Variants in ADCY9 observed in about 807,000 individuals in gnomAD.
ADCY9 encodes adenylate cyclase type 9.
ADCY9 carries 50 observed loss-of-function variants against 101.5 expected under a neutral mutation model. The observed-to-expected ratio is 0.49, with a 90% CI of 0.39 to 0.62. The LOEUF is 0.62. ADCY9 is among the 20% of genes least tolerant of loss of function. The pLI, the probability that ADCY9 is intolerant of heterozygous loss-of-function variation, is 0.00. For synonymous variants in ADCY9, 905 were observed against 769.3 expected (o/e 1.18, Z -2.92); for missense variants, 1,662 against 1,800.4 (o/e 0.92, Z 1.39).
rs754752263 is a variant in ADCY9, at chr16:3,966,099, C to T, written c.3738G>A (p.Thr1246=). 13 of 1,614,092 alleles carry T rather than the reference C, an allele frequency of 8.1e-6. No individual in the cohort carries two copies. The highest frequency in any genetic ancestry group is 6.7e-5 in the Admixed American group (4 of 60,010). Residue 1246 remains threonine (T), a synonymous_variant, in exon 11 of 11, where the codon ACG becomes ACA. Coordinates refer to ENST00000294016, the MANE Select transcript of ADCY9 (RefSeq NM_001116.4). ...GGTGCTGTGGGATGACCCTGTGATC[C>T]GTGCACTTTGGGTACAGGTAGGTCT... ...QMKTYLYPKC[T]DHRVIPQHQL...
At position 4,115,812 on chromosome 16, in the gene ADCY9, C is replaced by A. The variant is rs953110582; in HGVS notation, c.-166G>T. On this transcript the variant is annotated 5_prime_UTR_variant, in exon 1 of 11. Transcript: ENST00000294016. This position sits in a 1 kb window ranked among gnomAD's most constrained non-coding sequence, Gnocchi z 6.2. Reference sequence around the variant, plus strand: ...CGCCGCGCGGCTTCTCCTCCTCGCGCGCTCGCCTCCTCCAGCTGCGGCTCC... The same window carrying A: ...CGCCGCGCGGCTTCTCCTCCTCGCGAGCTCGCCTCCTCCAGCTGCGGCTCC... 5.0e-6 allele frequency: 2 copies of A among 399,852 alleles called. No homozygotes were observed. The highest frequency in any genetic ancestry group is 4.1e-5 in the African/African-American group (2 of 48,418). 24.8% of individuals were successfully genotyped at this position (399,852 alleles called of 1,614,324 possible).
chr16:4,014,385 T>C (rs533258570), intron 2 of ADCY9, among the ~76,000 whole-genome samples: 1 of 151,302 alleles, frequency 6.6e-6, no homozygotes, highest in South Asian at 2.1e-4. Context: ...TGGAAGAAAG[T>C]GAAAGAAACA....
chr16:4,021,931 G>T (rs1165639072), intron 2 of ADCY9, among the ~76,000 whole-genome samples: 1 of 152,106 alleles, frequency 6.6e-6, no homozygotes, highest in Non-Finnish European at 1.5e-5. Context: ...AGACCCCATG[G>T]CTCCTTACAT....
intron 7 of ADCY9, chr16:3,982,829 C>T (rs549479848): frequency 1.4e-4 from 28 of 193,642 alleles, no homozygotes; most frequent in Admixed American, 7.2e-4. Context: ...GAGGCAAGTG[C>T]GTGGAGATGC....
intron 2 of ADCY9, among the ~76,000 whole-genome samples, chr16:4,031,038 T>G (rs1260602923): frequency 6.6e-6 from 1 of 152,216 alleles, no homozygotes; most frequent in Non-Finnish European, 1.5e-5. Flanking sequence ...TGTGCGGAAC[T>G]GTTCTAGATC....
At chr16:3,991,404 C>G (rs973685365) in intron 5 of ADCY9, among the ~76,000 whole-genome samples, 4 of 152,004 alleles carry the variant, frequency 2.6e-5, no homozygotes, top group African/African-American at 9.7e-5. Flanking sequence ...AGAGGGAGAG[C>G]CTGAATCTAA....
intron 3 of ADCY9, among the ~76,000 whole-genome samples, chr16:4,000,328 G>C (rs1047000600): frequency 6.6e-6 from 1 of 152,208 alleles, no homozygotes; most frequent in Non-Finnish European, 1.5e-5. Context: ...ACCGCGTAAA[G>C]AGGCGGTGAG....
intron 2 of ADCY9, among the ~76,000 whole-genome samples, chr16:4,069,243 T>A (rs6500573): frequency 0.59 from 89,269 of 150,474 alleles, 26,633 homozygotes; most frequent in South Asian, 0.68. Flanking sequence ...TCAAATTTTT[T>A]TTCTTATTTC....
chr16:4,057,038 G>GCCCCCCCCC (rs375745334), intron 2 of ADCY9, among the ~76,000 whole-genome samples: 15 of 83,546 alleles, frequency 1.8e-4, no homozygotes, highest in Non-Finnish European at 2.4e-4. Flanking sequence ...TGATGAAACC[G>GCCCCCCCCC]CCCCCCCCCC....
chr16:4,086,654 TTTTTTA>T (rs1183350228), intron 2 of ADCY9, among the ~76,000 whole-genome samples: 1 of 151,950 alleles, frequency 6.6e-6, no homozygotes, highest in Non-Finnish European at 1.5e-5. Context: ...TTGGACTGTG[TTTTTTA>T]TTTTTATTAA....
downstream of ADCY9, among the ~76,000 whole-genome samples, chr16:3,962,165 G>GT (rs2055944080): frequency 6.6e-6 from 1 of 152,218 alleles, no homozygotes; most frequent in Non-Finnish European, 1.5e-5. Context: ...AATGGCATGT[G>GT]TGTTTTTCTG....
At chr16:4,086,967 G>C (rs2056942869) in intron 2 of ADCY9, among the ~76,000 whole-genome samples, 1 of 151,878 alleles carries the variant, frequency 6.6e-6, no homozygotes, top group South Asian at 2.1e-4. Context: ...GCCCTCCAAA[G>C]CTTCTTCATT....
chr16:4,080,372 TAG>T (rs1567140077), intron 2 of ADCY9, among the ~76,000 whole-genome samples: 1 of 152,112 alleles, frequency 6.6e-6, no homozygotes, highest in African/African-American at 2.4e-5. Flanking sequence ...GCCTCCCGAG[TAG>T]CTGAGACTAC....
rs990500272 is a variant in ADCY9, at chr16:3,963,290, G to A, written c.*2485C>T. ...GCCACCCTGAAGCACGACCCATGCCGTCAGCAGCCCTCGTGCCAGCTGCTT... is the reference window on the plus strand; with the variant it reads ...GCCACCCTGAAGCACGACCCATGCCATCAGCAGCCCTCGTGCCAGCTGCTT... On this transcript the variant is annotated 3_prime_UTR_variant, in exon 11 of 11. Coordinates refer to ENST00000294016, the MANE Select transcript of ADCY9 (RefSeq NM_001116.4). The A allele has an allele frequency of 2.5e-5, 10 of 398,564 alleles. No homozygotes were observed. The highest frequency in any genetic ancestry group is 3.5e-5 in the Non-Finnish European group (8 of 225,968). The allele number at this position is 398,564 out of a possible 1,614,324, so 24.7% of individuals were successfully genotyped here.
chr16:3,954,136 ACCCAGAGGC>A (rs1485828690), intron 5 of ADCY9, among the ~76,000 whole-genome samples: 1 of 152,138 alleles, frequency 6.6e-6, no homozygotes, highest in Admixed American at 6.5e-5. Flanking sequence ...AGGAGGATGT[ACCCAGAGGC>A]CCCACTGACG....
intron 9 of ADCY9, among the ~76,000 whole-genome samples, chr16:3,976,924 C>T (rs560334910): frequency 1.2e-4 from 19 of 152,342 alleles, no homozygotes; most frequent in African/African-American, 4.3e-4. Context: ...TCCCAAAGTG[C>T]TGGGATTACA....
intron 2 of ADCY9, among the ~76,000 whole-genome samples, chr16:4,042,957 C>T (rs568164940): frequency 3.3e-5 from 5 of 152,348 alleles, no homozygotes; most frequent in South Asian, 4.1e-4. Context: ...CTCGGCCGGG[C>T]GCAGTGGCTC....
intron 2 of ADCY9, among the ~76,000 whole-genome samples, chr16:4,096,894 A>T (rs557743055): frequency 6.8e-6 from 1 of 147,690 alleles, no homozygotes; most frequent in Non-Finnish European, 1.5e-5. Context: ...TGGAAGGGGG[A>T]AAAAAAAAAG....
chr16:3,984,348 G>A lies in ADCY9; in HGVS notation c.2311-908C>T, dbSNP rs371158636. ...GGCACATCATCGCCTGGGAACCTAC[G>A]GGGCCTGGCTCTGTGCTGGGGGCCA... On this transcript the variant is annotated intron_variant, in intron 6 of 10. Coordinates refer to ENST00000294016, the MANE Select transcript of ADCY9 (RefSeq NM_001116.4). Among the ~76,000 whole-genome samples the A allele has an allele frequency of 7.9e-5, 12 of 152,260 alleles. No individual in the cohort carries two copies. The East Asian group carries it at 1.2e-3, about 15-fold the overall frequency.
Sources: allele counts gnomAD v4.1 joint callset (sites outside exome capture counted in the v4.1 genomes callset), GRCh38; gene constraint gnomAD v4.1.1; non-coding constraint Gnocchi (gnomAD v3.1); transcripts MANE v1.5; gene names NCBI Gene and HGNC (gene_info 2026-07-23, HGNC 2026-07-21).